WNT3: variants seen among roughly 807,000 people sequenced by gnomAD.
WNT3 encodes proto-oncogene Wnt-3.
WNT3 carries 7 observed loss-of-function variants against 34.2 expected under a neutral mutation model. The observed-to-expected ratio is 0.20, with a 90% CI of 0.12 to 0.38. WNT3 has a LOEUF of 0.38. WNT3 is among the 10% of genes least tolerant of loss of function. WNT3 has a pLI of 1.00. For synonymous variants in WNT3, 212 were observed against 211.5 expected (o/e 1.00, Z -0.02); for missense variants, 267 against 499.8 (o/e 0.53, Z 4.44).
At chr17:46,769,573 G>A (rs1211096919) in intron 3 of WNT3, among the ~76,000 whole-genome samples, 1 of 152,160 alleles carries the variant, frequency 6.6e-6, no homozygotes, top group Non-Finnish European at 1.5e-5. Flanking sequence ...CTCATCCCGG[G>A]TGGGGTGGAG....
chr17:46,808,454 C>G (rs921829347), intron 1 of WNT3, among the ~76,000 whole-genome samples: 7 of 152,184 alleles, frequency 4.6e-5, no homozygotes, highest in African/African-American at 1.7e-4. Context: ...AAATTTTTAC[C>G]CCAATAACAA....
intron 4 of WNT3, among the ~76,000 whole-genome samples, chr17:46,765,662 C>T (rs1046385795): frequency 1.3e-5 from 2 of 152,250 alleles, no homozygotes; most frequent in Non-Finnish European, 2.9e-5. Context: ...AGCGGAGTCT[C>T]GGCCGAGCCT....
intron 1 of WNT3, among the ~76,000 whole-genome samples, chr17:46,806,207 C>CTT (rs10549860): frequency 5.2e-4 from 39 of 75,614 alleles, no homozygotes; most frequent in African/African-American, 2.0e-3. Flanking sequence ...TTTTCTTTTC[C>CTT]TTTTTTTTTT....
intron 1 of WNT3, among the ~76,000 whole-genome samples, chr17:46,792,731 C>A (rs2146426392): frequency 6.6e-6 from 1 of 152,304 alleles, no homozygotes; most frequent in African/African-American, 2.4e-5. Flanking sequence ...CTCTGCCTCC[C>A]AAAGCGCTGG....
At chr17:46,788,447 C>T (rs2083935275) in intron 1 of WNT3, among the ~76,000 whole-genome samples, 1 of 152,170 alleles carries the variant, frequency 6.6e-6, no homozygotes, top group Admixed American at 6.5e-5. Flanking sequence ...CCCTTCAAGC[C>T]AGTTCTGGTA....
intron 1 of WNT3, among the ~76,000 whole-genome samples, chr17:46,782,267 T>G (rs2146403188): frequency 6.6e-6 from 1 of 152,332 alleles, no homozygotes; most frequent in African/African-American, 2.4e-5. Context: ...TCTCTTAAAA[T>G]GACTGACATG....
At chr17:46,776,452 G>C (rs1050811729) in intron 1 of WNT3, among the ~76,000 whole-genome samples, 1 of 152,144 alleles carries the variant, frequency 6.6e-6, no homozygotes. Flanking sequence ...TAATCCTCAC[G>C]GCAGGTCTGT....
At chr17:46,779,091 AC>A (rs2059436731) in intron 1 of WNT3, among the ~76,000 whole-genome samples, 1 of 146,974 alleles carries the variant, frequency 6.8e-6, no homozygotes, top group Non-Finnish European at 1.5e-5. Flanking sequence ...ACACACACAC[AC>A]ACACACACAC....
At chr17:46,774,149 C>T (rs1358110918) in intron 1 of WNT3, among the ~76,000 whole-genome samples, 2 of 152,236 alleles carry the variant, frequency 1.3e-5, no homozygotes, top group East Asian at 1.9e-4. Context: ...CCGCAGAAGC[C>T]GCTTGTGGGG....
chr17:46,788,169 T>C (rs953147903), intron 1 of WNT3, among the ~76,000 whole-genome samples: 3 of 152,182 alleles, frequency 2.0e-5, no homozygotes, highest in African/African-American at 7.2e-5. Flanking sequence ...CTTGGCCAGC[T>C]TTTCCTCCTG....
At chr17:46,797,210 C>T (rs1025033993) in intron 1 of WNT3, among the ~76,000 whole-genome samples, 1 of 152,190 alleles carries the variant, frequency 6.6e-6, no homozygotes, top group East Asian at 1.9e-4. Flanking sequence ...AGAAGCCTTT[C>T]TCAACAGGAT....
intron 1 of WNT3, among the ~76,000 whole-genome samples, chr17:46,800,527 G>A (rs2084110995): frequency 2.0e-5 from 3 of 152,118 alleles, no homozygotes; most frequent in Admixed American, 2.0e-4. Context: ...CTCTTACACT[G>A]GGAAGACAAG....
At chr17:46,816,906 G>A (rs2084358197) in intron 1 of WNT3, among the ~76,000 whole-genome samples, 1 of 152,216 alleles carries the variant, frequency 6.6e-6, no homozygotes, top group Admixed American at 6.5e-5. Context: ...CTGGACTGGT[G>A]TTGGCAGCAG....
At chr17:46,792,004 C>T (rs760396454) in intron 1 of WNT3, among the ~76,000 whole-genome samples, 5 of 152,178 alleles carry the variant, frequency 3.3e-5, no homozygotes, top group African/African-American at 4.8e-5. Context: ...TGCACCACTG[C>T]ACTCCAGCCT....
chr17:46,779,103 A>ACACACACACACACACCC (rs749719578), intron 1 of WNT3, among the ~76,000 whole-genome samples: 5 of 133,588 alleles, frequency 3.7e-5, no homozygotes, highest in Admixed American at 1.6e-4. Flanking sequence ...ACACACACAC[A>ACACACACACACACACCC]CCCCAGCCCA....
intron 1 of WNT3, among the ~76,000 whole-genome samples, chr17:46,790,438 T>A (rs1237223103): frequency 1.3e-5 from 2 of 151,948 alleles, no homozygotes; most frequent in African/African-American, 4.8e-5. Context: ...CTCCCTCCCC[T>A]CTGTGGTATC....
intron 1 of WNT3, among the ~76,000 whole-genome samples, chr17:46,795,877 C>T (rs969796768): frequency 1.3e-5 from 2 of 152,218 alleles, no homozygotes; most frequent in African/African-American, 4.8e-5. Context: ...CTCCCTCTCT[C>T]TCTCACACAC....
chr17:46,809,872 G>A (rs1341995000), intron 1 of WNT3, among the ~76,000 whole-genome samples: 1 of 152,142 alleles, frequency 6.6e-6, no homozygotes, highest in Non-Finnish European at 1.5e-5. Context: ...GGACTCCCCT[G>A]TCCAGCCCCA....
In WNT3 at chr17:46,777,546, T is replaced by C. The variant is rs1171764985; in HGVS notation, c.81-3637A>G. On this transcript the variant is annotated intron_variant, in intron 1 of 4. Coordinates refer to ENST00000225512, the MANE Select transcript of WNT3 (RefSeq NM_030753.5). ...GAAGGTGCCACTGAGCCCTTCCTGC[T>C]GTGCAGACGCAGTCTCTCCTCTGCC... Among the ~76,000 whole-genome samples, 8 of 152,394 alleles carry C rather than the reference T, an allele frequency of 5.2e-5. 1 individual carries two copies. In the South Asian group the frequency reaches 6.2e-4, roughly 12 times the overall value.
Sources: allele counts gnomAD v4.1 joint callset (sites outside exome capture counted in the v4.1 genomes callset), GRCh38; gene constraint gnomAD v4.1.1; transcripts MANE v1.5; gene names NCBI Gene and HGNC (gene_info 2026-07-23, HGNC 2026-07-21).